Variants in ADNP observed in about 807,000 individuals in gnomAD.
ADNP encodes the protein activity dependent neuroprotector homeobox, also known as activity-dependent neuroprotector homeobox protein.
A neutral mutation model predicts 84.9 loss-of-function variants in ADNP; 4 were observed. That is an observed-to-expected ratio of 0.05 (90% CI 0.02 to 0.11). ADNP has a LOEUF of 0.11. Among genes scored for constraint, ADNP ranks in the 10% least tolerant of loss-of-function variants. The probability of loss-of-function intolerance (pLI) is 1.00; values close to 1 mark genes in which losing one functional copy is unlikely to be tolerated. For missense variants in ADNP, 1,132 were observed against 1,326.0 expected (o/e 0.85, Z 2.27); for synonymous variants, 554 against 468.1 (o/e 1.18, Z -2.37).
chr20:50,907,577 G>A (rs767346480), intron 2 of ADNP, among the ~76,000 whole-genome samples: 76 of 151,662 alleles, frequency 5.0e-4, no homozygotes, highest in Non-Finnish European at 9.6e-4. Flanking sequence ...AGGAATGTAT[G>A]TTCATGTTAA....
chr20:50,898,514 G>A (rs961827365), intron 5 of ADNP, among the ~76,000 whole-genome samples: 4 of 152,192 alleles, frequency 2.6e-5, no homozygotes, highest in African/African-American at 9.7e-5. Context: ...TGAAGCAGAT[G>A]CTTTAACAGC....
intron 2 of ADNP, among the ~76,000 whole-genome samples, chr20:50,915,012 G>A (rs922326943): frequency 3.3e-5 from 5 of 151,874 alleles, no homozygotes; most frequent in African/African-American, 1.2e-4. Context: ...AAGATAAAAC[G>A]TATGGTTTTT....
chr20:50,896,842 T>G (rs1191645483), intron 5 of ADNP, among the ~76,000 whole-genome samples: 1 of 152,236 alleles, frequency 6.6e-6, no homozygotes, highest in African/African-American at 2.4e-5. Flanking sequence ...CTTTGTTTCC[T>G]TTTTTCATCA....
intron 5 of ADNP, among the ~76,000 whole-genome samples, chr20:50,896,211 C>T (rs982476072): frequency 1.3e-5 from 2 of 151,970 alleles, no homozygotes; most frequent in Non-Finnish European, 2.9e-5. Context: ...GGCAACACAG[C>T]GAGACTCCGT....
chr20:50,907,031 G>T (rs1422594641), intron 2 of ADNP, among the ~76,000 whole-genome samples: 1 of 138,058 alleles, frequency 7.2e-6, no homozygotes, highest in Non-Finnish European at 1.5e-5. Context: ...GCAGTGTCAC[G>T]ATCTTGGCTC....
rs201107415 is a variant in ADNP, at chr20:50,908,819, T to C, written c.-89-3970A>G. 1.6e-4 allele frequency among the ~76,000 whole-genome samples: 24 copies of C among 151,872 alleles called. No individual in the cohort carries two copies. The East Asian group carries it at 4.5e-3, about 28-fold the overall frequency. ...TATCTATTTGATTCTCCTTTATAAA[T>C]GTGGACAAGGGATCCATACTTAAGT... On this transcript the variant is annotated intron_variant, in intron 2 of 5. Coordinates refer to ENST00000621696, the MANE Select transcript of ADNP (RefSeq NM_001282531.3).
In ADNP at chr20:50,893,797, C is replaced by A; in HGVS notation, c.917G>T (p.Arg306Leu). 1 of 1,614,182 alleles carries A rather than the reference C, an allele frequency of 6.2e-7. No individual in the cohort carries two copies. The highest frequency in any genetic ancestry group is 1.1e-5 in the South Asian group (1 of 91,070). Residue 306 changes from arginine to leucine, a missense_variant, in exon 6 of 6, where the codon CGA becomes CTA. Physicochemically the swap from Arg to Leu is moderately radical, Grantham distance 102. This residue lies in a region of ADNP where 239 missense variants were observed against 213.2 expected (regional missense o/e 1.12). Coordinates refer to ENST00000621696, the MANE Select transcript of ADNP (RefSeq NM_001282531.3). The surrounding 1 kb of genome is among the most constrained non-coding windows in gnomAD (Gnocchi z 4.4). ...RSLPSQQMVNRLSIPKPNLNS... is the reference protein window; with the variant it reads ...RSLPSQQMVNLLSIPKPNLNS... ...TAAGTTAGGCTTTGGTATTGAGAGT[C>A]GATTCACCATCTGCTGTGATGGTAA...
At chr20:50,928,996 CTT>C (rs1005910428) in intron 1 of ADNP, among the ~76,000 whole-genome samples, 171 bp from the exon 2 acceptor site, 1 of 152,230 alleles carries the variant, frequency 6.6e-6, no homozygotes, top group Non-Finnish European at 1.5e-5. Context: ...ACAATCAACA[CTT>C]GAGTTCGACA....
chr20:50,918,447 G>A (rs1028903309), intron 2 of ADNP, among the ~76,000 whole-genome samples: 1 of 152,100 alleles, frequency 6.6e-6, no homozygotes, highest in Non-Finnish European at 1.5e-5. Flanking sequence ...TAATATGAGT[G>A]GTAATACATT....
intron 2 of ADNP, chr20:50,914,088 T>A: frequency 1.4e-6 from 1 of 737,064 alleles, no homozygotes; most frequent in East Asian, 2.5e-5. Flanking sequence ...GGCATGAGAT[T>A]GCTCTCATGT....
In ADNP at chr20:50,897,270, A is replaced by T. The variant is rs367784197; in HGVS notation, c.202-2758T>A. Among the ~76,000 whole-genome samples the T allele has an allele frequency of 2.6e-5, 4 of 152,298 alleles. No individual in the cohort carries two copies. In the East Asian group the frequency reaches 5.8e-4, roughly 22 times the overall value. On this transcript the variant is annotated intron_variant, in intron 5 of 5. Transcript: ENST00000621696. ...GTTTTCAGACTTAAGGAGCTTGCTG[A>T]GGTCTGCACTGCTAAATCCTTCACT...
At chr20:50,930,040 T>G (rs1984568471) in intron 1 of ADNP, among the ~76,000 whole-genome samples, 1 of 150,720 alleles carries the variant, frequency 6.6e-6, no homozygotes, top group African/African-American at 2.4e-5. Flanking sequence ...GGATCAAGGT[T>G]GGGGGGGAGG....
chr20:50,909,186 GA>G (rs933678359), intron 2 of ADNP, among the ~76,000 whole-genome samples: 6 of 151,468 alleles, frequency 4.0e-5, no homozygotes, highest in African/African-American at 1.5e-4. Context: ...CCAACATGGA[GA>G]AACCCCGTCT....
intron 2 of ADNP, among the ~76,000 whole-genome samples, chr20:50,917,842 T>A (rs1983631863): frequency 6.6e-6 from 1 of 152,150 alleles, no homozygotes; most frequent in African/African-American, 2.4e-5. Context: ...TGAAATGTGG[T>A]CATATCCACA....
intron 4 of ADNP, 108 bp downstream of exon 4, chr20:50,903,781 G>T: frequency 1.3e-6 from 1 of 788,572 alleles, no homozygotes; most frequent in Non-Finnish European, 2.0e-6. Flanking sequence ...CTACTGCTGT[G>T]GCTGAAATTC....
rs552814913 is a variant in ADNP, at chr20:50,889,858, T to C, written c.*1547A>G. 7.8e-5 allele frequency: 31 copies of C among 398,438 alleles called. No individual in the cohort carries two copies. The highest frequency in any genetic ancestry group is 1.3e-4 in the Non-Finnish European group (30 of 226,048). The allele number at this position is 398,438 out of a possible 1,614,324, so 24.7% of individuals were successfully genotyped here. On this transcript the variant is annotated 3_prime_UTR_variant, in exon 6 of 6. Coordinates refer to ENST00000621696, the MANE Select transcript of ADNP (RefSeq NM_001282531.3). ...GTCAGTGCTGTGCTCTTCAAAGCCT[T>C]TCCCTTAATAGCAAGAGGGCCAAGA...
chr20:50,889,781 T>C lies in ADNP; in HGVS notation c.*1624A>G. ...TTTCTGCTTTTTAGTACAAGTTCTCTTGGGAATCTACGCATGGTAAAAATA... is the reference window on the plus strand; with the variant it reads ...TTTCTGCTTTTTAGTACAAGTTCTCCTGGGAATCTACGCATGGTAAAAATA... On this transcript the variant is annotated 3_prime_UTR_variant, in exon 6 of 6. Transcript: ENST00000621696. The C allele has an allele frequency of 2.5e-6, 1 of 398,044 alleles. No individual in the cohort carries two copies. Among genetic ancestry groups the C allele is most frequent in the Non-Finnish European group, 4.4e-6 (1 of 225,788 alleles). The allele number at this position is 398,044 out of a possible 1,614,324, so 24.7% of individuals were successfully genotyped here. A position where few individuals can be genotyped will look rare whatever the true frequency, so the allele number is the denominator to read the frequency against.
At chr20:50,909,627 C>T (rs1355059674) in intron 2 of ADNP, 3 of 152,166 alleles carry the variant, frequency 2.0e-5, no homozygotes, top group Non-Finnish European at 4.4e-5. Context: ...TTTCTTCCAG[C>T]TTAGAATACA....
At position 50,891,191 on chromosome 20, in the gene ADNP, C is replaced by T. The variant is rs755753667; in HGVS notation, c.*214G>A. 22 of 1,311,378 alleles carry T rather than the reference C, an allele frequency of 1.7e-5. No homozygotes were observed. The highest frequency in any genetic ancestry group is 2.0e-5 in the Non-Finnish European group (21 of 1,034,942). 81.2% of individuals were successfully genotyped at this position (1,311,378 alleles called of 1,614,324 possible). A position where few individuals can be genotyped will look rare whatever the true frequency, so the allele number is the denominator to read the frequency against. ...GAGTCACCAGCTTATTGGTTTTTCA[C>T]ATTTAGTTACCGTGTCTGTCAGAGA... On this transcript the variant is annotated 3_prime_UTR_variant, in exon 6 of 6. Transcript: ENST00000621696.
Sources: allele counts gnomAD v4.1 joint callset (sites outside exome capture counted in the v4.1 genomes callset), GRCh38; gene constraint gnomAD v4.1.1; regional missense constraint gnomAD v4.1.1; non-coding constraint Gnocchi (gnomAD v3.1); transcripts MANE v1.5; gene names NCBI Gene and HGNC (gene_info 2026-07-23, HGNC 2026-07-21).